CHRM3: variants seen among roughly 807,000 people sequenced by gnomAD.
The protein encoded by CHRM3 is cholinergic receptor muscarinic 3, also known as muscarinic acetylcholine receptor M3.
A neutral mutation model predicts 41.8 loss-of-function variants in CHRM3; 11 were observed. The ratio of observed to expected loss-of-function variants is 0.26; its 90% confidence interval spans 0.17 to 0.44. The LOEUF is 0.44. Ranked by LOEUF, CHRM3 falls within the 20% of genes least tolerant of loss-of-function variation. The pLI is 1.00. For synonymous variants in CHRM3, 297 were observed against 301.4 expected (o/e 0.99, Z 0.15); for missense variants, 571 against 745.4 (o/e 0.77, Z 2.72).
At chr1:239,725,750 G>C (rs1175454937) in intron 5 of CHRM3, among the ~76,000 whole-genome samples, 1 of 151,898 alleles carries the variant, frequency 6.6e-6, no homozygotes, top group East Asian at 1.9e-4. Flanking sequence ...CGTCTGTCTG[G>C]AATTTGCAAA....
At position 239,912,567 on chromosome 1, in the gene CHRM3, C is replaced by G. The variant is rs1680427121; in HGVS notation, c.*3343C>G. 1 of 167,064 alleles carries G rather than the reference C, an allele frequency of 6.0e-6. No homozygotes were observed. Among genetic ancestry groups the G allele is most frequent in the Non-Finnish European group, 1.5e-5 (1 of 68,136 alleles). The allele number at this position is 167,064 out of a possible 1,614,324, so 10.3% of individuals were successfully genotyped here. A position where few individuals can be genotyped will look rare whatever the true frequency, so the allele number is the denominator to read the frequency against. ...TCATTGCTCTGCAGAGCGCTGGAAG[C>G]CCCTTCATGTATCGAGAGAGAAGCT... On this transcript the variant is annotated 3_prime_UTR_variant, in exon 7 of 7. Coordinates refer to ENST00000676153, the MANE Select transcript of CHRM3 (RefSeq NM_001375978.1).
At chr1:239,730,400 C>T (rs1308517317) in intron 5 of CHRM3, 1 of 151,932 alleles carries the variant, frequency 6.6e-6, no homozygotes, top group Non-Finnish European at 1.5e-5. Flanking sequence ...GCAGCTCCTA[C>T]CTTTCATGTG....
chr1:239,839,398 G>A (rs1310710816), intron 6 of CHRM3, among the ~76,000 whole-genome samples: 1 of 152,154 alleles, frequency 6.6e-6, no homozygotes, highest in African/African-American at 2.4e-5. Context: ...AGTTTTACTG[G>A]GACAGATCTC....
At chr1:239,551,214 G>A (rs942261217) in intron 3 of CHRM3, among the ~76,000 whole-genome samples, 1 of 135,266 alleles carries the variant, frequency 7.4e-6, no homozygotes, top group African/African-American at 2.8e-5. Flanking sequence ...CCAGGCCAGA[G>A]TGCAATGGCG....
intron 1 of CHRM3, among the ~76,000 whole-genome samples, chr1:239,400,117 C>G (rs1659841640): frequency 6.6e-6 from 1 of 152,116 alleles, no homozygotes; most frequent in Non-Finnish European, 1.5e-5. Context: ...CCATGTTGGC[C>G]AGGCTGGTCT....
intron 6 of CHRM3, among the ~76,000 whole-genome samples, chr1:239,889,720 TG>T (rs1330449802): frequency 6.6e-6 from 1 of 152,180 alleles, no homozygotes; most frequent in African/African-American, 2.4e-5. Flanking sequence ...CTGCCACACC[TG>T]GGCTGGGATG....
At chr1:239,752,297 T>TA (rs1665896467) in intron 5 of CHRM3, among the ~76,000 whole-genome samples, 1 of 152,134 alleles carries the variant, frequency 6.6e-6, no homozygotes, top group Admixed American at 6.5e-5. Flanking sequence ...AAAAAGACTG[T>TA]AGTTAGGCAG....
At chr1:239,854,969 G>A (rs1156994928) in intron 6 of CHRM3, among the ~76,000 whole-genome samples, 1 of 152,094 alleles carries the variant, frequency 6.6e-6, no homozygotes, top group East Asian at 1.9e-4. Flanking sequence ...CTTTCACTGT[G>A]TATCAGATGT....
At chr1:239,860,942 T>C (rs1675585557) in intron 6 of CHRM3, among the ~76,000 whole-genome samples, 1 of 152,204 alleles carries the variant, frequency 6.6e-6, no homozygotes, top group African/African-American at 2.4e-5. Context: ...TACAATAACT[T>C]TGAGGACTAT....
chr1:239,599,964 C>CA (rs1037000048), intron 3 of CHRM3, among the ~76,000 whole-genome samples: 2 of 152,088 alleles, frequency 1.3e-5, no homozygotes, highest in African/African-American at 4.8e-5. Flanking sequence ...TTGACTGTGC[C>CA]ACCAACTCTC....
intron 6 of CHRM3, among the ~76,000 whole-genome samples, chr1:239,874,017 C>T (rs1291525955): frequency 6.6e-6 from 1 of 151,796 alleles, no homozygotes; most frequent in Non-Finnish European, 1.5e-5. Flanking sequence ...TTACATACAT[C>T]ATCCTTTGTT....
intron 1 of CHRM3, among the ~76,000 whole-genome samples, chr1:239,393,875 T>C (rs150275201): frequency 1.3e-3 from 197 of 152,314 alleles, no homozygotes; most frequent in Non-Finnish European, 2.4e-3. Flanking sequence ...ATATAATAAA[T>C]ACATGTTTGA....
intron 5 of CHRM3, chr1:239,704,464 A>C (rs2148132633): frequency 6.6e-6 from 1 of 152,358 alleles, no homozygotes; most frequent in Non-Finnish European, 1.5e-5. Context: ...TAAAACTCGA[A>C]AGAACATCAA....
chr1:239,599,027 G>C (rs946277170), intron 3 of CHRM3, among the ~76,000 whole-genome samples: 1 of 152,032 alleles, frequency 6.6e-6, no homozygotes, highest in African/African-American at 2.4e-5. Context: ...TTTCTCTCCT[G>C]CTTTAAAGAG....
intron 5 of CHRM3, among the ~76,000 whole-genome samples, chr1:239,731,160 T>G (rs959017198): frequency 6.6e-6 from 1 of 151,964 alleles, no homozygotes; most frequent in Non-Finnish European, 1.5e-5. Context: ...CTTTAAAGGC[T>G]GTGGACTGTC....
chr1:239,716,227 T>A (rs1662349810), intron 5 of CHRM3, among the ~76,000 whole-genome samples: 1 of 151,924 alleles, frequency 6.6e-6, no homozygotes, highest in Admixed American at 6.6e-5. Context: ...TTTAGGGGAT[T>A]TGAGATATGA....
intron 3 of CHRM3, among the ~76,000 whole-genome samples, chr1:239,549,080 G>A (rs538111325): frequency 1.6e-4 from 25 of 152,188 alleles, no homozygotes; most frequent in Admixed American, 6.5e-4. Context: ...TTGTGCAGGG[G>A]AACTCCCCCT....
At chr1:239,509,447 G>C (rs1488854957) in intron 2 of CHRM3, among the ~76,000 whole-genome samples, 2 of 152,088 alleles carry the variant, frequency 1.3e-5, no homozygotes, top group Non-Finnish European at 2.9e-5. Flanking sequence ...GTGACTCCAG[G>C]ATAATCTGTA....
intron 4 of CHRM3, among the ~76,000 whole-genome samples, chr1:239,639,094 G>A (rs1670805693): frequency 6.6e-6 from 1 of 151,808 alleles, no homozygotes; most frequent in South Asian, 2.1e-4. Flanking sequence ...CATTATTTCT[G>A]AGGGCTCTGT....
Sources: allele counts gnomAD v4.1 joint callset (sites outside exome capture counted in the v4.1 genomes callset), GRCh38; gene constraint gnomAD v4.1.1; transcripts MANE v1.5; gene names NCBI Gene and HGNC (gene_info 2026-07-23, HGNC 2026-07-21).